The following PPM1H variants were observed in gnomAD, a reference collection of about 807,000 sequenced individuals.
The protein encoded by PPM1H is protein phosphatase, Mg2+/Mn2+ dependent 1H, also known as protein phosphatase 1H.
PPM1H carries 27 observed loss-of-function variants against 54.9 expected under a neutral mutation model. The ratio of observed to expected loss-of-function variants is 0.49; its 90% CI spans 0.36 to 0.68. PPM1H has a LOEUF of 0.68. PPM1H is among the 30% of genes least tolerant of loss of function. PPM1H has a pLI of 0.00. For missense variants in PPM1H, 596 were observed against 667.8 expected, an observed-to-expected ratio of 0.89 and a Z score of 1.19; for synonymous variants, 305 against 270.8, an observed-to-expected ratio of 1.13 and a Z score of -1.24.
chr12:62,684,074 AG>A (rs1366102970), intron 8 of PPM1H, among the ~76,000 whole-genome samples: 1 of 152,214 alleles, frequency 6.6e-6, no homozygotes, highest in African/African-American at 2.4e-5. Flanking sequence ...AGTATAAAAA[AG>A]TTTAATGGCA....
chr12:62,898,690 G>A (rs1050830113), intron 1 of PPM1H, among the ~76,000 whole-genome samples: 1 of 152,180 alleles, frequency 6.6e-6, no homozygotes, highest in African/African-American at 2.4e-5. Context: ...AAGGCAGCCA[G>A]TTAGAGGTAG....
At chr12:62,921,396 G>C (rs1354233457) in intron 1 of PPM1H, among the ~76,000 whole-genome samples, 1 of 152,022 alleles carries the variant, frequency 6.6e-6, no homozygotes, top group Non-Finnish European at 1.5e-5. Context: ...GGTCCTCTCA[G>C]CTGGGCAAGT....
At chr12:62,917,774 G>C (rs1022313902) in intron 1 of PPM1H, among the ~76,000 whole-genome samples, 1 of 151,728 alleles carries the variant, frequency 6.6e-6, no homozygotes, top group African/African-American at 2.4e-5. Flanking sequence ...ACCTGTGCTT[G>C]GTGCTCATTC....
Position 62,667,159 on chromosome 12 carries a change from A to G in PPM1H, c.1397+19T>C, listed in dbSNP as rs1400926282. On this transcript the variant is annotated intron_variant, in intron 9 of 9. Coordinates refer to ENST00000228705, the MANE Select transcript of PPM1H (RefSeq NM_020700.2). ...AGAATGCTTGAGGAACAACCCTACA[A>G]TTGTAGAAATGCACAAACCTGTGAG... 3 of 1,548,494 alleles carry G rather than the reference A, an allele frequency of 1.9e-6. No individual in the cohort carries two copies. In the African/African-American group the frequency reaches 4.1e-5, roughly 21 times the overall value.
chr12:62,726,780 C>T (rs1364651142), intron 5 of PPM1H, among the ~76,000 whole-genome samples: 1 of 152,194 alleles, frequency 6.6e-6, no homozygotes, highest in Non-Finnish European at 1.5e-5. Context: ...TGGTCTGTGC[C>T]TCTGGAAGCA....
chr12:62,672,927 G>A (rs2075964648), intron 8 of PPM1H, among the ~76,000 whole-genome samples: 1 of 152,132 alleles, frequency 6.6e-6, no homozygotes, highest in Non-Finnish European at 1.5e-5. Context: ...CATAAACAGG[G>A]GAAGGAGAGT....
At chr12:62,765,583 A>C (rs2076537777) in intron 4 of PPM1H, among the ~76,000 whole-genome samples, 1 of 152,206 alleles carries the variant, frequency 6.6e-6, no homozygotes. Context: ...TACAAAGATA[A>C]GATTTGATTC....
chr12:62,907,507 C>G (rs1159660828), intron 1 of PPM1H, among the ~76,000 whole-genome samples: 2 of 152,176 alleles, frequency 1.3e-5, no homozygotes, highest in African/African-American at 4.8e-5. Flanking sequence ...TTTACTGGGA[C>G]TACCTGTCAG....
At chr12:62,877,574 G>A (rs1234714317) in intron 1 of PPM1H, among the ~76,000 whole-genome samples, 2 of 152,154 alleles carry the variant, frequency 1.3e-5, no homozygotes, top group Admixed American at 1.3e-4. Context: ...AACTCTCCAT[G>A]AAATATATAT....
At chr12:62,723,870 C>T (rs773165520) in intron 5 of PPM1H, among the ~76,000 whole-genome samples, 5 of 152,162 alleles carry the variant, frequency 3.3e-5, no homozygotes, top group Non-Finnish European at 7.4e-5. Context: ...TCAGGACACA[C>T]TACCTCCAAT....
In PPM1H at chr12:62,879,004, G is replaced by A. The variant is rs186095008; in HGVS notation, c.246-46725C>T. On this transcript the variant is annotated intron_variant, in intron 1 of 9. Coordinates refer to ENST00000228705, the MANE Select transcript of PPM1H (RefSeq NM_020700.2). Reference sequence around the variant, plus strand: ...CTGTGAGATAAAAATATTTTCCCTCGTTCAGAGCACCTGCGATGGCAAGTG... The same window carrying A: ...CTGTGAGATAAAAATATTTTCCCTCATTCAGAGCACCTGCGATGGCAAGTG... Among the ~76,000 whole-genome samples, 45 of 152,254 alleles carry A rather than the reference G, an allele frequency of 3.0e-4. No individual in the cohort carries two copies. The East Asian group carries it at 6.9e-3, about 24-fold the overall frequency.
intron 1 of PPM1H, among the ~76,000 whole-genome samples, chr12:62,917,631 A>G (rs1213793984): frequency 2.0e-5 from 3 of 152,226 alleles, no homozygotes; most frequent in Admixed American, 6.5e-5. Context: ...TTTCTGGACA[A>G]TATAGTAACA....
chr12:62,681,115 CAATCTA>C (rs2076017007), intron 8 of PPM1H, among the ~76,000 whole-genome samples: 1 of 152,136 alleles, frequency 6.6e-6, no homozygotes, highest in Non-Finnish European at 1.5e-5. Context: ...TTAACCAAAC[CAATCTA>C]ACTTTATACT....
rs557561885 is a variant in PPM1H, at chr12:62,825,888, A to T, written c.411+6226T>A. On this transcript the variant is annotated intron_variant, in intron 2 of 9. Transcript: ENST00000228705. ...CCTAGAACTTAAAGTATAATAAAAA[A>T]AAAATAATAAAATGCCAAATTACCA... 6.6e-5 allele frequency among the ~76,000 whole-genome samples: 10 copies of T among 152,296 alleles called. No homozygotes were observed. In the South Asian group the frequency reaches 8.3e-4, roughly 13 times the overall value.
intron 1 of PPM1H, among the ~76,000 whole-genome samples, chr12:62,874,707 A>T (rs1870101265): frequency 6.6e-6 from 1 of 152,236 alleles, no homozygotes; most frequent in Non-Finnish European, 1.5e-5. Flanking sequence ...CCAAAGTGAT[A>T]AACATTCTCA....
chr12:62,774,268 CTG>C (rs2076596450), intron 4 of PPM1H, among the ~76,000 whole-genome samples: 2 of 152,210 alleles, frequency 1.3e-5, no homozygotes, highest in Non-Finnish European at 2.9e-5. Context: ...TGATTAATCT[CTG>C]GACTCCCAGC....
At chr12:62,816,919 G>A (rs186385279) in intron 2 of PPM1H, among the ~76,000 whole-genome samples, 35 of 151,516 alleles carry the variant, frequency 2.3e-4, no homozygotes, top group Admixed American at 1.7e-3. Context: ...ACCATGTTGT[G>A]TTCTCAGCTA....
Position 62,667,325 on chromosome 12 carries a change from C to G in PPM1H, c.1250G>C (p.Arg417Thr), listed in dbSNP as rs1245854354. ...ATCATATTTTGAAAGATCGTAGATT[C>G]TTACCTGAAAAAAAACAAGAATACT... ...KPFLSSAPEV[R>T]IYDLSKYDHG... The change falls in exon 9 of 10, where the codon AGA (arginine) becomes ACA (threonine). Residue 417 changes from arginine (R) to threonine (T), a missense_variant. Coordinates refer to ENST00000228705, the MANE Select transcript of PPM1H (RefSeq NM_020700.2). 6.3e-7 allele frequency: 1 copy of G among 1,580,580 alleles called. No individual in the cohort carries two copies. Among genetic ancestry groups the G allele is most frequent in the Admixed American group, 1.8e-5 (1 of 54,128 alleles).
At chr12:62,804,753 G>A in intron 2 of PPM1H, among the ~76,000 whole-genome samples, 1 of 137,014 alleles carries the variant, frequency 7.3e-6, no homozygotes. Flanking sequence ...TCGGCTCACT[G>A]CAAGCTCCGC....
Sources: gnomAD v4.1 joint callset for allele counts (sites outside exome capture counted in the v4.1 genomes callset) on GRCh38, gnomAD v4.1.1 for gene constraint, MANE v1.5 for transcripts, NCBI Gene and HGNC (gene_info 2026-07-23, HGNC 2026-07-21) for gene names.